Variants in OPCML observed in about 807,000 individuals in gnomAD.
OPCML encodes the protein opioid-binding protein/cell adhesion molecule.
In OPCML, 13 loss-of-function variants were observed where a neutral mutation model predicts 37.8. The observed-to-expected ratio is 0.34, with a 90% CI of 0.22 to 0.55. OPCML has a LOEUF of 0.55. Among genes scored for constraint, OPCML ranks in the 20% least tolerant of loss-of-function variants. OPCML has a pLI of 0.91. For missense variants in OPCML, 341 were observed against 435.6 expected (o/e 0.78, Z 1.93); for synonymous variants, 176 against 168.8 (o/e 1.04, Z -0.33).
intron 3 of OPCML, among the ~76,000 whole-genome samples, chr11:132,586,958 TTATGCATTCGGGCA>T (rs1247111023): frequency 2.0e-4 from 31 of 152,316 alleles, no homozygotes; most frequent in Admixed American, 1.4e-3. Flanking sequence ...AGGCAGAATA[TTATGCATTCGGGCA>T]TATGCATTCG....
rs757622131 is a variant in OPCML, at chr11:133,505,693, T to G, written c.61+26571A>C. Among the ~76,000 whole-genome samples the G allele has an allele frequency of 2.8e-4, 42 of 152,206 alleles. 1 individual carries two copies. The highest frequency in any genetic ancestry group is 4.6e-4 in the Non-Finnish European group (31 of 68,026). ...ATAATCGTTAACCATAAATAAGCAA[T>G]GAGGTGAACTGATGCCTCCCAAAAG... On this transcript the variant is annotated intron_variant, in intron 1 of 7. Coordinates refer to ENST00000524381, the MANE Select transcript of OPCML (RefSeq NM_001012393.5).
chr11:132,787,226 C>T (rs1947244843), intron 2 of OPCML, among the ~76,000 whole-genome samples: 1 of 152,142 alleles, frequency 6.6e-6, no homozygotes, highest in Non-Finnish European at 1.5e-5. Context: ...TCAGATTGCA[C>T]CCCAAATTCA....
chr11:133,155,044 T>C (rs1028481372), intron 1 of OPCML, among the ~76,000 whole-genome samples: 6 of 152,026 alleles, frequency 3.9e-5, no homozygotes, highest in Admixed American at 3.3e-4. Context: ...ACACTCTGAG[T>C]ATGTACTTGA....
intron 1 of OPCML, among the ~76,000 whole-genome samples, chr11:133,014,037 C>T (rs1246601151): frequency 1.3e-5 from 2 of 152,186 alleles, no homozygotes; most frequent in Non-Finnish European, 2.9e-5. Context: ...AGGTTAACCA[C>T]TGAAGACAAC....
chr11:132,549,098 A>G (rs1338165487), intron 3 of OPCML, among the ~76,000 whole-genome samples: 2 of 152,140 alleles, frequency 1.3e-5, no homozygotes, highest in Non-Finnish European at 2.9e-5. Context: ...AGAGGTCCTG[A>G]CACAGTTCAT....
At chr11:133,518,102 ATATG>A (rs1443251142) in intron 1 of OPCML, among the ~76,000 whole-genome samples, 3 of 152,066 alleles carry the variant, frequency 2.0e-5, no homozygotes, top group African/African-American at 4.8e-5. Flanking sequence ...TGTGGTGTGC[ATATG>A]TATGTGTGGT....
intron 1 of OPCML, among the ~76,000 whole-genome samples, chr11:133,502,357 C>A (rs369811358): frequency 6.6e-6 from 1 of 152,194 alleles, no homozygotes; most frequent in Non-Finnish European, 1.5e-5. Flanking sequence ...GGCCAGTGGC[C>A]GAGGCAGGGT....
intron 1 of OPCML, among the ~76,000 whole-genome samples, chr11:133,355,016 G>T (rs1944251352): frequency 6.6e-6 from 1 of 152,210 alleles, no homozygotes; most frequent in Non-Finnish European, 1.5e-5. Flanking sequence ...GCTACTAGGT[G>T]CACAAACGTC....
chr11:133,392,005 T>C (rs1464336900), intron 1 of OPCML, among the ~76,000 whole-genome samples: 3 of 152,104 alleles, frequency 2.0e-5, no homozygotes, highest in African/African-American at 7.2e-5. Context: ...CTGATGTATA[T>C]AGGAAAAAAA....
At chr11:133,398,842 C>T (rs542375289) in intron 1 of OPCML, among the ~76,000 whole-genome samples, 1 of 152,142 alleles carries the variant, frequency 6.6e-6, no homozygotes, top group Non-Finnish European at 1.5e-5. Flanking sequence ...GGTCCCATGC[C>T]TCACCAAACC....
intron 1 of OPCML, among the ~76,000 whole-genome samples, chr11:133,505,672 T>C (rs900433991): frequency 4.0e-4 from 61 of 152,346 alleles, no homozygotes; most frequent in African/African-American, 1.4e-3. Context: ...TGTCTTATAA[T>C]CGTTAACCAT....
At chr11:132,997,551 C>T (rs1000950952) in intron 1 of OPCML, among the ~76,000 whole-genome samples, 4 of 152,054 alleles carry the variant, frequency 2.6e-5, no homozygotes, top group African/African-American at 4.8e-5. Context: ...CATGCACATG[C>T]CATCCACGCC....
At chr11:133,386,903 G>T (rs905234207) in intron 1 of OPCML, among the ~76,000 whole-genome samples, 1 of 152,156 alleles carries the variant, frequency 6.6e-6, no homozygotes, top group Non-Finnish European at 1.5e-5. Context: ...GAATGCTCAG[G>T]GTATCTGTGA....
At chr11:133,504,779 A>G (rs1947991104) in intron 1 of OPCML, among the ~76,000 whole-genome samples, 1 of 152,208 alleles carries the variant, frequency 6.6e-6, no homozygotes, top group African/African-American at 2.4e-5. Flanking sequence ...TGAGATACCA[A>G]ATTGCCTGAT....
At position 132,436,693 on chromosome 11, in the gene OPCML, T is replaced by C. The variant is rs1316485986; in HGVS notation, c.730A>G (p.Met244Val). Residue 244 changes from methionine to valine, a missense_variant, in exon 6 of 8, where the codon ATG (methionine) becomes GTG (valine). Met to Val is a conservative substitution (Grantham distance 21). Transcript: ENST00000524381. ...ILSCEASAVPMAEFQWFKEET... is the reference protein window; with the variant it reads ...ILSCEASAVPVAEFQWFKEET... ...TCCTTGAACCACTGGAATTCAGCCA[T>C]GGGGACTGCAGAGGCTTCACAGCTC... 8.1e-6 allele frequency: 13 copies of C among 1,614,068 alleles called. No individual in the cohort carries two copies. The highest frequency in any genetic ancestry group is 2.7e-5 in the African/African-American group (2 of 74,932).
At chr11:132,735,223 G>A (rs958644768) in intron 2 of OPCML, among the ~76,000 whole-genome samples, 5 of 152,204 alleles carry the variant, frequency 3.3e-5, no homozygotes, top group African/African-American at 1.2e-4. Context: ...GAAACTATCA[G>A]GCAAACTTGG....
intron 2 of OPCML, among the ~76,000 whole-genome samples, chr11:132,894,327 T>G (rs1943756185): frequency 6.6e-6 from 1 of 152,220 alleles, no homozygotes; most frequent in Non-Finnish European, 1.5e-5. Context: ...GCTAACTTTC[T>G]GGCTGATTCT....
chr11:132,738,124 TG>T (rs1945319302), intron 2 of OPCML, among the ~76,000 whole-genome samples: 1 of 151,970 alleles, frequency 6.6e-6, no homozygotes, highest in Non-Finnish European at 1.5e-5. Flanking sequence ...TGCGCTAGAG[TG>T]GGAAGCATTG....
At chr11:133,095,434 C>T (rs1948986373) in intron 1 of OPCML, among the ~76,000 whole-genome samples, 1 of 150,178 alleles carries the variant, frequency 6.7e-6, no homozygotes, top group Non-Finnish European at 1.5e-5. Flanking sequence ...AAAATCATGA[C>T]ATTTAATCTT....
Sources: gnomAD v4.1 joint callset for allele counts (sites outside exome capture counted in the v4.1 genomes callset) on GRCh38, gnomAD v4.1.1 for gene constraint, MANE v1.5 for transcripts, NCBI Gene and HGNC (gene_info 2026-07-23, HGNC 2026-07-21) for gene names.